MTA3: variants seen among roughly 807,000 people sequenced by gnomAD.
MTA3 encodes the protein metastasis associated 1 family member 3.
In MTA3, 34 loss-of-function variants were observed where a neutral mutation model predicts 83.5. The observed-to-expected ratio is 0.41, with a 90% CI of 0.31 to 0.54. The LOEUF is 0.54. Among genes scored for constraint, MTA3 ranks in the 20% least tolerant of loss-of-function variants. The pLI, the probability that MTA3 is intolerant of heterozygous loss-of-function variation, is 0.33. For missense variants in MTA3, 761 were observed against 726.4 expected, an observed-to-expected ratio of 1.05 and a Z score of -0.55; for synonymous variants, 303 against 252.7, an observed-to-expected ratio of 1.20 and a Z score of -1.89.
At chr2:42,599,415 A>G (rs1167579056) in intron 3 of MTA3, among the ~76,000 whole-genome samples, 1 of 152,068 alleles carries the variant, frequency 6.6e-6, no homozygotes, top group Admixed American at 6.6e-5. Context: ...TAACACAGTG[A>G]AACCCCGTCT....
intron 6 of MTA3, among the ~76,000 whole-genome samples, chr2:42,649,388 G>A (rs1688498056): frequency 6.6e-6 from 1 of 151,778 alleles, no homozygotes; most frequent in Admixed American, 6.6e-5. Flanking sequence ...ACTCCAGCAT[G>A]GGTGACAGAG....
chr2:42,611,072 C>T (rs2104097978), intron 4 of MTA3, among the ~76,000 whole-genome samples: 1 of 151,230 alleles, frequency 6.6e-6, no homozygotes, highest in East Asian at 1.9e-4. Context: ...ACCTCTGCCT[C>T]CCGGGTTCAC....
chr2:42,568,213 C>T (rs1572996187), upstream of MTA3: 1 of 152,842 alleles, frequency 6.5e-6, no homozygotes, highest in South Asian at 2.1e-4. Context: ...CAGGGGGGTT[C>T]CCCAGGGACA....
intron 3 of MTA3, among the ~76,000 whole-genome samples, chr2:42,582,293 C>T (rs1447865622): frequency 1.3e-5 from 2 of 152,058 alleles, no homozygotes; most frequent in Admixed American, 1.3e-4. Context: ...CTCCTGACCT[C>T]GTGATCTGCC....
chr2:42,628,204 C>A (rs999068056), intron 4 of MTA3, among the ~76,000 whole-genome samples: 2 of 97,754 alleles, frequency 2.0e-5, no homozygotes, highest in Non-Finnish European at 4.1e-5. Context: ...TTCTTCTTAT[C>A]GTTTTATTTA....
intron 16 of MTA3, among the ~76,000 whole-genome samples, chr2:42,744,259 C>G (rs1177522280): frequency 2.6e-5 from 4 of 152,158 alleles, no homozygotes; most frequent in African/African-American, 9.7e-5. Flanking sequence ...TAGTCAACAA[C>G]TTAGTGTTTT....
chr2:42,716,411 A>G (rs867747624), intron 14 of MTA3, among the ~76,000 whole-genome samples: 1 of 152,206 alleles, frequency 6.6e-6, no homozygotes, highest in South Asian at 2.1e-4. Flanking sequence ...TTTGTTGTAC[A>G]GATTATTTCA....
At chr2:42,574,546 C>T (rs1416519668) in intron 2 of MTA3, among the ~76,000 whole-genome samples, 2 of 152,178 alleles carry the variant, frequency 1.3e-5, no homozygotes, top group African/African-American at 2.4e-5. Flanking sequence ...AAGTGATTCT[C>T]CTCCCTCAGC....
intron 2 of MTA3, among the ~76,000 whole-genome samples, chr2:42,513,726 C>T (rs1675003391): frequency 6.6e-6 from 1 of 152,214 alleles, no homozygotes; most frequent in African/African-American, 2.4e-5. Context: ...GAGTGCTGGA[C>T]TCAGTGAGCC....
intron 9 of MTA3, among the ~76,000 whole-genome samples, chr2:42,685,642 A>C (rs575695221): frequency 2.6e-5 from 4 of 152,342 alleles, no homozygotes; most frequent in African/African-American, 9.6e-5. Flanking sequence ...TGTGGATCTT[A>C]ACCCTGCAGA....
At chr2:42,651,862 G>A (rs140102696) in intron 6 of MTA3, among the ~76,000 whole-genome samples, 44 of 152,032 alleles carry the variant, frequency 2.9e-4, no homozygotes, top group African/African-American at 1.0e-3. Context: ...GGGAGGCCGA[G>A]TTGGGTGGAT....
At chr2:42,720,374 G>T (rs1251214877) in intron 15 of MTA3, among the ~76,000 whole-genome samples, 1 of 151,906 alleles carries the variant, frequency 6.6e-6, no homozygotes, top group African/African-American at 2.4e-5. Flanking sequence ...GTAGAGACGG[G>T]GTTTCACCTT....
At chr2:42,607,100 AGGT>A (rs1683552803) in intron 3 of MTA3, among the ~76,000 whole-genome samples, 1 of 12,746 alleles carries the variant, frequency 7.8e-5, no homozygotes, top group Non-Finnish European at 1.4e-4. Flanking sequence ...GTAGGGGTAG[AGGT>A]AGAGGTAGAG....
chr2:42,637,104 T>C (rs1226945322), intron 4 of MTA3, among the ~76,000 whole-genome samples: 1 of 152,254 alleles, frequency 6.6e-6, no homozygotes, highest in African/African-American at 2.4e-5. Flanking sequence ...GTCGTAATTA[T>C]TTATTCACAT....
At chr2:42,634,635 AC>A (rs1368597997) in intron 4 of MTA3, among the ~76,000 whole-genome samples, 1 of 152,096 alleles carries the variant, frequency 6.6e-6, no homozygotes, top group Non-Finnish European at 1.5e-5. Context: ...ACAGAGCCAA[AC>A]CATATCACCC....
At chr2:42,524,472 G>GTGTT (rs1553337451) in intron 2 of MTA3, among the ~76,000 whole-genome samples, 12 of 70,680 alleles carry the variant, frequency 1.7e-4, no homozygotes, top group African/African-American at 5.7e-4. Context: ...GGCTAGTTGT[G>GTGTT]TTTTTTTTTT....
At chr2:42,717,579 T>A (rs1055042308) in intron 14 of MTA3, among the ~76,000 whole-genome samples, 1 of 152,228 alleles carries the variant, frequency 6.6e-6, no homozygotes, top group African/African-American at 2.4e-5. Context: ...ATAATGAGCA[T>A]CATGAAAACT....
intron 2 of MTA3, among the ~76,000 whole-genome samples, chr2:42,514,682 CTTTTTTTTT>C (rs767598363): frequency 5.6e-5 from 3 of 53,486 alleles, no homozygotes; most frequent in East Asian, 6.0e-4. Flanking sequence ...CGCCCAGCCC[CTTTTTTTTT>C]TTTTTTTTTT....
chr2:42,629,773 G>A (rs1437650194), intron 4 of MTA3, among the ~76,000 whole-genome samples: 1 of 152,028 alleles, frequency 6.6e-6, no homozygotes, highest in Non-Finnish European at 1.5e-5. Flanking sequence ...AATTCATGGG[G>A]CCTGAAAAAC....
Sources: allele counts gnomAD v4.1 joint callset (sites outside exome capture counted in the v4.1 genomes callset), GRCh38; gene constraint gnomAD v4.1.1; transcripts MANE v1.5; gene names NCBI Gene and HGNC (gene_info 2026-07-23, HGNC 2026-07-21).